The following DIRAS2 variants were observed in gnomAD, a reference collection of about 807,000 sequenced individuals.
The protein encoded by DIRAS2 is GTP-binding protein Di-Ras2.
A neutral mutation model predicts 13.9 loss-of-function variants in DIRAS2; 5 were observed. That is an observed-to-expected ratio of 0.36 (90% CI 0.19 to 0.76). DIRAS2 has a LOEUF of 0.76. Ranked by LOEUF, DIRAS2 falls within the 30% of genes least tolerant of loss-of-function variation. DIRAS2 has a pLI of 0.53. For synonymous variants in DIRAS2, 111 were observed against 105.4 expected (o/e 1.05, Z -0.33); for missense variants, 191 against 263.0 (o/e 0.73, Z 1.89).
rs112067402 is a variant in DIRAS2 at position 90,623,689 on chromosome 9, G to T, written c.-36-9826C>A. Among the ~76,000 whole-genome samples the T allele has an allele frequency of 3.9e-3, 591 of 152,162 alleles. 6 individuals carry two copies. In the South Asian group the frequency reaches 0.049, roughly 13 times the overall value. ...GAATGAGATAGAAGCATGATCTCAG[G>T]CAAAACAAACCCACAGCCTTTATCT... On this transcript the variant is annotated intron_variant, in intron 1 of 1. Transcript: ENST00000375765.
intron 1 of DIRAS2, among the ~76,000 whole-genome samples, chr9:90,614,937 T>C: frequency 6.6e-6 from 1 of 152,316 alleles, no homozygotes; most frequent in Middle Eastern, 3.4e-3. Context: ...TTCTGTACCT[T>C]CTTCGGTAAG....
At chr9:90,617,964 AC>A in intron 1 of DIRAS2, among the ~76,000 whole-genome samples, 1 of 152,204 alleles carries the variant, frequency 6.6e-6, no homozygotes, top group East Asian at 1.9e-4. Flanking sequence ...GTATCAGAGG[AC>A]TTTTACTGCT....
intron 1 of DIRAS2, among the ~76,000 whole-genome samples, chr9:90,640,294 A>G (rs1825407453): frequency 6.6e-6 from 1 of 152,222 alleles, no homozygotes; most frequent in South Asian, 2.1e-4. Flanking sequence ...TCTCTTTCCT[A>G]AATTTGCCAG....
At position 90,609,858 on chromosome 9, in the gene DIRAS2, G is replaced by T. The variant is rs531623805; in HGVS notation, c.*3370C>A. The T allele has an allele frequency of 6.6e-6, 1 of 152,192 alleles. No individual in the cohort carries two copies. The highest frequency in any genetic ancestry group is 1.5e-5 in the Non-Finnish European group (1 of 68,032). The allele number at this position is 152,192 out of a possible 1,614,324, so 9.4% of individuals were successfully genotyped here. ...AGGGTGTCATAACTGTAGCTTTATT[G>T]TAATATCTCCCATTATTTCCAGAAC... On this transcript the variant is annotated 3_prime_UTR_variant, in exon 2 of 2. Coordinates refer to ENST00000375765, the MANE Select transcript of DIRAS2 (RefSeq NM_017594.5).
intron 1 of DIRAS2, among the ~76,000 whole-genome samples, chr9:90,622,457 CG>C (rs1825228438): frequency 6.8e-6 from 1 of 147,254 alleles, no homozygotes; most frequent in Non-Finnish European, 1.5e-5. Flanking sequence ...TACTTTTTTC[CG>C]GAGTTTTTTT....
chr9:90,613,254 G>C lies in DIRAS2; in HGVS notation c.574C>G (p.Leu192Val), dbSNP rs74349275. Residue 192 changes from leucine (L) to valine (V), a missense_variant, in exon 2 of 2, where the codon CTC becomes GTC. Transcript: ENST00000375765. The surrounding 1 kb of genome is among the most constrained non-coding windows in gnomAD (Gnocchi z 5.6). Reference protein sequence around the residue: ...KSKQQKRKEKLKGKCVIM With the variant: ...KSKQQKRKEKVKGKCVIM ...CACATGATCACGCACTTGCCTTTGA[G>C]CTTCTCTTTCCTTTTCTGCTGCTTG... 5 of 1,613,788 alleles carry C rather than the reference G, an allele frequency of 3.1e-6. No individual in the cohort carries two copies. In the South Asian group the frequency reaches 4.4e-5, roughly 14 times the overall value.
intron 1 of DIRAS2, among the ~76,000 whole-genome samples, chr9:90,615,224 C>T (rs1198186386): frequency 6.6e-6 from 1 of 152,200 alleles, no homozygotes; most frequent in African/African-American, 2.4e-5. Context: ...GTTCTCCTGA[C>T]AGACAGAACA....
At chr9:90,628,718 T>C (rs1437630962) in intron 1 of DIRAS2, among the ~76,000 whole-genome samples, 1 of 152,180 alleles carries the variant, frequency 6.6e-6, no homozygotes, top group African/African-American at 2.4e-5. Context: ...GCTCACTTTT[T>C]GTATTTTTTG....
chr9:90,627,259 C>A lies in DIRAS2; in HGVS notation c.-36-13396G>T, dbSNP rs62556818. ...CCTGCAGAACCATGAGCCAACTAAG[C>A]CTCTTTTCTTATAAATTATGAAGTC... On this transcript the variant is annotated intron_variant, in intron 1 of 1. Transcript: ENST00000375765. Among the ~76,000 whole-genome samples, 931 of 152,312 alleles carry A rather than the reference C, an allele frequency of 6.1e-3. 4 individuals are homozygous for A. Among genetic ancestry groups the A allele is most frequent in the Non-Finnish European group, 0.01 (689 of 68,030 alleles).
intron 1 of DIRAS2, among the ~76,000 whole-genome samples, chr9:90,638,654 G>C (rs1371511727): frequency 6.6e-6 from 1 of 151,688 alleles, no homozygotes; most frequent in Non-Finnish European, 1.5e-5. Flanking sequence ...GTGTGTGTGT[G>C]TGTGTGTGCA....
intron 1 of DIRAS2, among the ~76,000 whole-genome samples, chr9:90,629,815 T>G (rs892152812): frequency 6.6e-6 from 1 of 152,248 alleles, no homozygotes; most frequent in Non-Finnish European, 1.5e-5. Context: ...ACATGTTCAG[T>G]ACGGGCACAA....
intron 1 of DIRAS2, among the ~76,000 whole-genome samples, chr9:90,636,027 CTTTTTTTTTTTTT>C (rs1172661795): frequency 1.5e-5 from 1 of 66,250 alleles, no homozygotes; most frequent in Non-Finnish European, 2.7e-5. Context: ...ACTGAATATT[CTTTTTTTTTTTTT>C]TTTTTTTTTT....
chr9:90,640,659 G>A (rs1213803341), intron 1 of DIRAS2, among the ~76,000 whole-genome samples: 1 of 152,190 alleles, frequency 6.6e-6, no homozygotes, highest in Non-Finnish European at 1.5e-5. Flanking sequence ...ATAGACTGAT[G>A]ATAGATAGAG....
Position 90,629,359 on chromosome 9 carries a change from A to G in DIRAS2, c.-37+13393T>C, listed in dbSNP as rs576050435. Among the ~76,000 whole-genome samples the G allele has an allele frequency of 4.6e-5, 7 of 152,320 alleles. No homozygotes were observed. The South Asian group carries it at 1.2e-3, about 27-fold the overall frequency. On this transcript the variant is annotated intron_variant, in intron 1 of 1. Transcript: ENST00000375765. Reference sequence around the variant, plus strand: ...TTTAAATAAGCTTGATTTTTAAAAAATGCTTAGAATCCTCTTTTGAGGTTT... The same window carrying G: ...TTTAAATAAGCTTGATTTTTAAAAAGTGCTTAGAATCCTCTTTTGAGGTTT...
At chr9:90,636,783 G>A (rs925633166) in intron 1 of DIRAS2, among the ~76,000 whole-genome samples, 1 of 152,208 alleles carries the variant, frequency 6.6e-6, no homozygotes, top group Non-Finnish European at 1.5e-5. Flanking sequence ...ATACATGGAA[G>A]TATGGTATAC....
intron 1 of DIRAS2, among the ~76,000 whole-genome samples, chr9:90,618,710 T>C (rs532860496): frequency 6.6e-6 from 1 of 152,228 alleles, no homozygotes; most frequent in South Asian, 2.1e-4. Flanking sequence ...AACAACTCAA[T>C]TAGAAATGGG....
At chr9:90,631,229 G>A (rs1587725506) in intron 1 of DIRAS2, among the ~76,000 whole-genome samples, 1 of 152,184 alleles carries the variant, frequency 6.6e-6, no homozygotes, top group South Asian at 2.1e-4. Context: ...GGCAGAGAGA[G>A]CAGCAGGTAC....
intron 1 of DIRAS2, among the ~76,000 whole-genome samples, chr9:90,628,587 C>G (rs1159291101): frequency 2.0e-5 from 3 of 152,076 alleles, no homozygotes; most frequent in African/African-American, 7.2e-5. Context: ...ACTCTGTTGC[C>G]TAGGCTGGAG....
At chr9:90,623,311 T>C (rs1328665675) in intron 1 of DIRAS2, among the ~76,000 whole-genome samples, 1 of 152,152 alleles carries the variant, frequency 6.6e-6, no homozygotes, top group Non-Finnish European at 1.5e-5. Context: ...GCAGTTCTGT[T>C]TATCGACAGG....
Sources: gnomAD v4.1 joint callset for allele counts (sites outside exome capture counted in the v4.1 genomes callset) on GRCh38, gnomAD v4.1.1 for gene constraint, Gnocchi (gnomAD v3.1) non-coding constraint, MANE v1.5 for transcripts, NCBI Gene and HGNC (gene_info 2026-07-23, HGNC 2026-07-21) for gene names.